Variants in RCAN2 observed in about 807,000 individuals in gnomAD.
RCAN2 encodes regulator of calcineurin 2.
RCAN2 carries 9 observed loss-of-function variants against 23.6 expected under a neutral mutation model. That is an observed-to-expected ratio of 0.38 (90% CI 0.23 to 0.67). The LOEUF (loss-of-function observed/expected upper bound fraction) is 0.67, where lower values mean the gene tolerates loss of function less well. RCAN2 is among the 30% of genes least tolerant of loss of function. The pLI is 0.51. For missense variants in RCAN2, 273 were observed against 302.3 expected (o/e 0.90, Z 0.72); for synonymous variants, 109 against 115.7 (o/e 0.94, Z 0.37).
intron 2 of RCAN2, among the ~76,000 whole-genome samples, chr6:46,299,520 G>A (rs1762835974): frequency 6.6e-6 from 1 of 151,980 alleles, no homozygotes; most frequent in African/African-American, 2.4e-5. Flanking sequence ...ATCCTGTCCT[G>A]AGAATACAGC....
In RCAN2 at chr6:46,220,880, G is replaced by A. The variant is rs957882697; in HGVS notation, c.*2261C>T. 1.3e-5 allele frequency: 2 copies of A among 152,682 alleles called. No homozygotes were observed. Among genetic ancestry groups the A allele is most frequent in the African/African-American group, 2.4e-5 (1 of 41,418 alleles). 9.5% of individuals were successfully genotyped at this position (152,682 alleles called of 1,614,324 possible). ...TGCTAAAGAGATTTGCATAATGTGCGTCATGGAAATGCTGAGGCGATTCTG... is the reference window on the plus strand; with the variant it reads ...TGCTAAAGAGATTTGCATAATGTGCATCATGGAAATGCTGAGGCGATTCTG... On this transcript the variant is annotated 3_prime_UTR_variant, in exon 5 of 5. Transcript: ENST00000371374.
At chr6:46,468,808 A>T in intron 1 of RCAN2, 1 of 985,266 alleles carries the variant, frequency 1.0e-6, no homozygotes, top group Non-Finnish European at 1.2e-6. Context: ...ACCTTTAATC[A>T]GCACTTTCTC....
At chr6:46,334,964 GA>G (rs34288073) in intron 2 of RCAN2, among the ~76,000 whole-genome samples, 64,069 of 151,674 alleles carry the variant, frequency 0.42, 14,906 homozygotes, top group East Asian at 0.6. Flanking sequence ...TGACACACTC[GA>G]AAAAATTACA....
At chr6:46,292,025 C>A (rs894524400) in intron 2 of RCAN2, among the ~76,000 whole-genome samples, 1 of 152,168 alleles carries the variant, frequency 6.6e-6, no homozygotes. Flanking sequence ...TTACATTCTG[C>A]AATTGGAATT....
chr6:46,458,252 A>G (rs984460899), intron 1 of RCAN2, among the ~76,000 whole-genome samples: 1 of 152,296 alleles, frequency 6.6e-6, no homozygotes, highest in South Asian at 2.1e-4. Context: ...CCCAGACAAA[A>G]TATCAGTTTC....
At chr6:46,314,260 G>T (rs1035655621) in intron 2 of RCAN2, among the ~76,000 whole-genome samples, 1 of 150,996 alleles carries the variant, frequency 6.6e-6, no homozygotes, top group Non-Finnish European at 1.5e-5. Flanking sequence ...TATTTGGGAG[G>T]CTGAGGCATG....
chr6:46,465,237 A>C (rs1420091204), intron 1 of RCAN2, among the ~76,000 whole-genome samples: 1 of 152,210 alleles, frequency 6.6e-6, no homozygotes, highest in Non-Finnish European at 1.5e-5. Flanking sequence ...TCTTAAAGAC[A>C]GAAAAACCTG....
intron 1 of RCAN2, among the ~76,000 whole-genome samples, chr6:46,460,169 C>T (rs1451282539): frequency 1.3e-5 from 2 of 152,040 alleles, no homozygotes; most frequent in African/African-American, 4.8e-5. Context: ...AGTGATCCTT[C>T]CACCTCAGCC....
chr6:46,321,206 C>T (rs1440731446), intron 2 of RCAN2, among the ~76,000 whole-genome samples: 2 of 152,332 alleles, frequency 1.3e-5, no homozygotes, highest in East Asian at 3.9e-4. Flanking sequence ...ATTCCTCCCC[C>T]ATCAATGCTC....
chr6:46,445,295 C>A (rs1311382780), intron 2 of RCAN2, among the ~76,000 whole-genome samples: 1 of 152,150 alleles, frequency 6.6e-6, no homozygotes, highest in African/African-American at 2.4e-5. Flanking sequence ...AGGCTCCAGG[C>A]CTAACCCTAT....
At chr6:46,263,466 T>C (rs967872425) in intron 2 of RCAN2, among the ~76,000 whole-genome samples, 1 of 67,994 alleles carries the variant, frequency 1.5e-5, no homozygotes, top group African/African-American at 4.3e-5. Flanking sequence ...TGTGTGTGTG[T>C]GTGTGTGTAT....
At chr6:46,264,941 G>A (rs1197478180) in intron 2 of RCAN2, among the ~76,000 whole-genome samples, 1 of 152,156 alleles carries the variant, frequency 6.6e-6, no homozygotes, top group Non-Finnish European at 1.5e-5. Context: ...GAGATTAAAC[G>A]ATCTGCCTAA....
intron 2 of RCAN2, among the ~76,000 whole-genome samples, chr6:46,263,535 GTGTATGTGTGTGTGTGTGTGTGTGTA>G (rs1767207163): frequency 5.1e-5 from 3 of 58,718 alleles, no homozygotes; most frequent in Admixed American, 1.3e-4. Flanking sequence ...GTGTGTGTGT[GTGTATGTGTGTGTGTGTGTGTGTGTA>G]TGTGTGTGTG....
At chr6:46,471,008 C>G (rs538456883) in intron 1 of RCAN2, among the ~76,000 whole-genome samples, 10 of 152,284 alleles carry the variant, frequency 6.6e-5, no homozygotes, top group Non-Finnish European at 1.3e-4. Context: ...TAGTGTGGCT[C>G]TGGTATAGAG....
chr6:46,257,972 G>C (rs186309955), intron 2 of RCAN2, among the ~76,000 whole-genome samples: 198 of 152,312 alleles, frequency 1.3e-3, no homozygotes, highest in African/African-American at 4.5e-3. Context: ...ACAGCTACTA[G>C]GGAAGTCCAC....
chr6:46,317,828 G>GA (rs1763491427), intron 2 of RCAN2, among the ~76,000 whole-genome samples: 1 of 152,204 alleles, frequency 6.6e-6, no homozygotes, highest in Non-Finnish European at 1.5e-5. Context: ...ATAGTGGAAA[G>GA]AACAGTTCAA....
At chr6:46,250,743 T>G (rs1366465310) in intron 2 of RCAN2, among the ~76,000 whole-genome samples, 1 of 152,194 alleles carries the variant, frequency 6.6e-6, no homozygotes, top group Non-Finnish European at 1.5e-5. Context: ...ATAAGAGCAT[T>G]TATATTTAAT....
chr6:46,453,992 G>T (rs1164935926), intron 2 of RCAN2, among the ~76,000 whole-genome samples: 2 of 152,202 alleles, frequency 1.3e-5, no homozygotes, highest in Non-Finnish European at 2.9e-5. Context: ...CCAGGCTGCT[G>T]AATACATCTT....
chr6:46,393,726 C>A (rs1357383584), intron 2 of RCAN2, among the ~76,000 whole-genome samples: 1 of 152,044 alleles, frequency 6.6e-6, no homozygotes, highest in Non-Finnish European at 1.5e-5. Context: ...TGGCACTCAC[C>A]CACCTCTTTG....
Sources: gnomAD v4.1 joint callset for allele counts (sites outside exome capture counted in the v4.1 genomes callset) on GRCh38, gnomAD v4.1.1 for gene constraint, MANE v1.5 for transcripts, NCBI Gene and HGNC (gene_info 2026-07-23, HGNC 2026-07-21) for gene names.